Variants in TMC2 observed in about 807,000 individuals in gnomAD.
TMC2 encodes the protein transmembrane channel-like protein 2.
In TMC2, 102 loss-of-function variants were observed where a neutral mutation model predicts 105.9. The observed-to-expected ratio is 0.96, with a 90% CI of 0.82 to 1.14. The LOEUF (loss-of-function observed/expected upper bound fraction) is 1.14. Ranked by LOEUF, TMC2 falls within the 50% of genes most tolerant of loss-of-function variation. The probability of loss-of-function intolerance (pLI) is 0.00; values close to 1 mark genes in which losing one functional copy is unlikely to be tolerated. For missense variants in TMC2, 1,093 were observed against 1,134.3 expected (o/e 0.96, Z 0.52); for synonymous variants, 402 against 422.8 (o/e 0.95, Z 0.60).
At chr20:2,609,451 ATGAATTCTACCCTTAAGGGGAT>A (rs748794661) in intron 11 of TMC2, among the ~76,000 whole-genome samples, 16,642 of 152,178 alleles carry the variant, frequency 0.11, 2,602 homozygotes, top group African/African-American at 0.35. Flanking sequence ...GATGCCCAAG[ATGAATTCTACCCTTAAGGGGAT>A]TGCAGTTTCC....
At chr20:2,579,065 C>T (rs2086167961) in intron 5 of TMC2, 81 bp from the exon 6 acceptor site, 1 of 771,470 alleles carries the variant, frequency 1.3e-6, no homozygotes, top group Non-Finnish European at 2.3e-6. Context: ...ACCTGTCGGC[C>T]TCCTCGTGCC....
chr20:2,610,613 A>G lies in TMC2; in HGVS notation c.1593+15A>G. 1 of 1,473,246 alleles carries G rather than the reference A, an allele frequency of 6.8e-7. No individual in the cohort carries two copies. Among genetic ancestry groups the G allele is most frequent in the Non-Finnish European group, 9.1e-7 (1 of 1,098,918 alleles). The allele number at this position is 1,473,246 out of a possible 1,614,324, so 91.3% of individuals were successfully genotyped here. ...TCCACCTCAAGGTAAAAACCACAACACCCCCCACCCCACTGCAATTCCTGG... is the reference window on the plus strand; with the variant it reads ...TCCACCTCAAGGTAAAAACCACAACGCCCCCCACCCCACTGCAATTCCTGG... On this transcript the variant is annotated intron_variant, in intron 12 of 19. Transcript: ENST00000358864.
In TMC2 at chr20:2,608,303, A is replaced by AT. The variant is rs1383784022; in HGVS notation, c.1414-2114dup. On this transcript the variant is annotated intron_variant, in intron 11 of 19. Coordinates refer to ENST00000358864, the MANE Select transcript of TMC2 (RefSeq NM_080751.3). ...CCCAGTTGTACCCTTATTTTTATTTATTATTATTATTATTATTATTATTAT... is the reference window on the plus strand; with the variant it reads ...CCCAGTTGTACCCTTATTTTTATTTATTTATTATTATTATTATTATTATTAT... Among the ~76,000 whole-genome samples, 286 of 107,616 alleles carry AT rather than the reference A, an allele frequency of 2.7e-3. 1 individual carries two copies. The highest frequency in any genetic ancestry group is 0.016 in the African/African-American group (255 of 16,124). The allele number at this position is 107,616 out of a possible 152,430, so 70.6% of individuals were successfully genotyped here.
Position 2,539,825 on chromosome 20 carries a change from T to C in TMC2, c.82+2509T>C, listed in dbSNP as rs144976026. On this transcript the variant is annotated intron_variant, in intron 2 of 19. Coordinates refer to ENST00000358864, the MANE Select transcript of TMC2 (RefSeq NM_080751.3). ...GGATAAATTATGCAAAAATAGTCTTTCTTTACGTTGTCTTATCAAAGACTA... is the reference window on the plus strand; with the variant it reads ...GGATAAATTATGCAAAAATAGTCTTCCTTTACGTTGTCTTATCAAAGACTA... 2.5e-3 allele frequency among the ~76,000 whole-genome samples: 383 copies of C among 152,252 alleles called. 1 individual carries two copies. The highest frequency in any genetic ancestry group is 8.5e-3 in the African/African-American group (354 of 41,546).
intron 1 of TMC2, 65 bp from the exon 2 acceptor site, chr20:2,537,204 G>A (rs988903558): frequency 3.0e-5 from 44 of 1,447,980 alleles, no homozygotes; most frequent in Non-Finnish European, 3.6e-5. Context: ...CACAGTGACC[G>A]GGGGTCTGCA....
At chr20:2,537,924 T>C (rs1224708238) in intron 2 of TMC2, among the ~76,000 whole-genome samples, 1 of 152,076 alleles carries the variant, frequency 6.6e-6, no homozygotes, top group Non-Finnish European at 1.5e-5. Context: ...GCGATGCTGT[T>C]TTCTCCCCCT....
intron 17 of TMC2, 134 bp from the exon 18 acceptor site, chr20:2,635,792 G>T: frequency 1.4e-6 from 1 of 695,668 alleles, no homozygotes. Flanking sequence ...ATTGAGAAAA[G>T]AAGATGGTAG....
At chr20:2,551,679 G>A (rs1464747786) in intron 2 of TMC2, among the ~76,000 whole-genome samples, 1 of 152,084 alleles carries the variant, frequency 6.6e-6, no homozygotes, top group Non-Finnish European at 1.5e-5. Flanking sequence ...TTTGTGAAAG[G>A]CATAAGGTCT....
At chr20:2,601,349 A>G (rs935490786) in intron 10 of TMC2, among the ~76,000 whole-genome samples, 2 of 152,258 alleles carry the variant, frequency 1.3e-5, no homozygotes, top group African/African-American at 4.8e-5. Flanking sequence ...CCAGCAAACC[A>G]AAAATACTAT....
At chr20:2,600,986 G>GAAAAAAAAAAAAA (rs55710696) in intron 10 of TMC2, among the ~76,000 whole-genome samples, 3 of 90,560 alleles carry the variant, frequency 3.3e-5, no homozygotes, top group African/African-American at 4.3e-5. Flanking sequence ...GACTGTCTCA[G>GAAAAAAAAAAAAA]AAAAAAAAAA....
intron 16 of TMC2, among the ~76,000 whole-genome samples, chr20:2,621,009 T>C (rs2086520849): frequency 6.6e-6 from 1 of 152,192 alleles, no homozygotes; most frequent in Non-Finnish European, 1.5e-5. Flanking sequence ...TCCTAGAATC[T>C]TGAGATGGGG....
rs372338507 is a variant in TMC2, at chr20:2,572,191, A to G, written c.567A>G (p.Glu189=). The G allele has an allele frequency of 2.5e-6, 4 of 1,611,926 alleles. No homozygotes were observed. Among genetic ancestry groups the G allele is most frequent in the Non-Finnish European group, 3.4e-6 (4 of 1,179,334 alleles). The change falls in exon 5 of 20, where the codon GAA becomes GAG. Residue 189 remains glutamate (E), a synonymous_variant. Coordinates refer to ENST00000358864, the MANE Select transcript of TMC2 (RefSeq NM_080751.3). The part of the protein sequence containing the change: ...KKLTELREAQ[E]FVEKYEGALG... ...TTTTTCTAAGCAGGGAGGCCCAGGAATTTGTGGAGAAGTATGAAGGTGCCT... is the reference window on the plus strand; with the variant it reads ...TTTTTCTAAGCAGGGAGGCCCAGGAGTTTGTGGAGAAGTATGAAGGTGCCT...
intron 3 of TMC2, 67 bp from the exon 4 acceptor site, chr20:2,561,791 C>T: frequency 6.5e-7 from 1 of 1,537,602 alleles, no homozygotes; most frequent in African/African-American, 1.4e-5. Context: ...CCTCCTCATT[C>T]CACAGCACCT....
chr20:2,588,690 T>TG (rs1471591772), intron 7 of TMC2, among the ~76,000 whole-genome samples: 2 of 135,298 alleles, frequency 1.5e-5, no homozygotes, highest in African/African-American at 2.8e-5. Context: ...TGCATGTGTC[T>TG]TTGTGTGTGT....
Position 2,558,734 on chromosome 20 carries a change from C to G in TMC2, c.361C>G (p.Pro121Ala). The G allele has an allele frequency of 1.3e-5, 21 of 1,582,684 alleles. No individual in the cohort carries two copies. Among genetic ancestry groups the G allele is most frequent in the Non-Finnish European group, 1.7e-5 (20 of 1,165,104 alleles). Residue 121 changes from proline (P) to alanine (A), a missense_variant, in exon 3 of 20, where the codon CCG (proline) becomes GCG (alanine). Pro to Ala is a conservative substitution (Grantham distance 27). Transcript: ENST00000358864. The surrounding 1 kb of genome is among the most constrained non-coding windows in gnomAD (Gnocchi z 4.6). ...TAAPKREKEIPRREEKSKRQK... is the reference protein window; with the variant it reads ...TAAPKREKEIARREEKSKRQK... ...AGCCCCAAAGAGGGAAAAGGAGATT[C>G]CGAGGAGGGAGGAGAAGTCGAAGCG... is the stretch of plus-strand genomic sequence containing the variant.
intron 17 of TMC2, among the ~76,000 whole-genome samples, chr20:2,632,040 G>A (rs1295906892): frequency 1.5e-5 from 2 of 132,194 alleles, no homozygotes; most frequent in African/African-American, 6.2e-5. Context: ...TTTTTTTTTC[G>A]AGATGGTGTC....
Position 2,597,540 on chromosome 20 carries a change from T to C in TMC2, c.1224+242T>C, listed in dbSNP as rs113945619. 6.1e-3 allele frequency among the ~76,000 whole-genome samples: 922 copies of C among 152,244 alleles called. 11 individuals carry two copies. Among genetic ancestry groups the C allele is most frequent in the African/African-American group, 0.021 (866 of 41,546 alleles). On this transcript the variant is annotated intron_variant, in intron 10 of 19. Coordinates refer to ENST00000358864, the MANE Select transcript of TMC2 (RefSeq NM_080751.3). ...CTCTCTCCCATTGCCCAGGCTGGAG[T>C]GCAGTGGTGTGCTCTCAGCACACTA... is the stretch of plus-strand genomic sequence containing the variant.
chr20:2,616,405 A>G lies in TMC2; in HGVS notation c.1940+201A>G, dbSNP rs73572273. ...TGGCCCACCCATGTGCTACCATAGA[A>G]GTAGAGAGAAAGGGAGAGGGGTTGG... On this transcript the variant is annotated intron_variant, in intron 15 of 19. Coordinates refer to ENST00000358864, the MANE Select transcript of TMC2 (RefSeq NM_080751.3). The surrounding 1 kb of genome is among the most constrained non-coding windows in gnomAD (Gnocchi z 4.8). 1.2e-3 allele frequency among the ~76,000 whole-genome samples: 185 copies of G among 152,114 alleles called. No individual in the cohort carries two copies. The highest frequency in any genetic ancestry group is 4.2e-3 in the African/African-American group (174 of 41,450).
chr20:2,589,270 C>CTGTGTGTGTGTGTGTGTGTGTGTGTGTG lies in TMC2; in HGVS notation c.835-3013_835-2986dup, dbSNP rs750496572. Among the ~76,000 whole-genome samples, 102 of 116,326 alleles carry CTGTGTGTGTGTGTGTGTGTGTGTGTGTG rather than the reference C, an allele frequency of 8.8e-4. 6 individuals are homozygous for CTGTGTGTGTGTGTGTGTGTGTGTGTGTG. Among genetic ancestry groups the CTGTGTGTGTGTGTGTGTGTGTGTGTGTG allele is most frequent in the South Asian group, 2.2e-3 (7 of 3,230 alleles). 76.3% of individuals were successfully genotyped at this position (116,326 alleles called of 152,430 possible). ...TTTTCCAGATATCTTCCTATTTGCC[C>CTGTGTGTGTGTGTGTGTGTGTGTGTGTG]TGTGTGTGTGTGTGTGTGTGTGTGT... On this transcript the variant is annotated intron_variant, in intron 7 of 19. Transcript: ENST00000358864.
Sources: allele counts gnomAD v4.1 joint callset (sites outside exome capture counted in the v4.1 genomes callset), GRCh38; gene constraint gnomAD v4.1.1; non-coding constraint Gnocchi (gnomAD v3.1); transcripts MANE v1.5; gene names NCBI Gene and HGNC (gene_info 2026-07-23, HGNC 2026-07-21).